DLGAP1: variants seen among roughly 807,000 people sequenced by gnomAD.
DLGAP1 encodes the protein DLG associated protein 1, also known as disks large-associated protein 1.
Under a neutral mutation model 90.8 loss-of-function variants are expected in DLGAP1, and 11 were observed. That is an observed-to-expected ratio of 0.12 (90% CI 0.08 to 0.20). DLGAP1 has a LOEUF of 0.20. Ranked by LOEUF, DLGAP1 falls within the 10% of genes least tolerant of loss-of-function variation. DLGAP1 has a pLI of 1.00. For synonymous variants in DLGAP1, 558 were observed against 540.7 expected, an observed-to-expected ratio of 1.03 and a Z score of -0.44; for missense variants, 1,050 against 1,333.8, an observed-to-expected ratio of 0.79 and a Z score of 3.31.
At chr18:3,881,109 TTTTTC>T (rs2071155289) in intron 3 of DLGAP1, among the ~76,000 whole-genome samples, 5 of 142,674 alleles carry the variant, frequency 3.5e-5, no homozygotes, top group Admixed American at 7.1e-5. Context: ...CTTATTCTTT[TTTTTC>T]TTTTTCTTTT....
intron 6 of DLGAP1, among the ~76,000 whole-genome samples, chr18:3,735,608 A>G (rs892324921): frequency 1.3e-5 from 2 of 152,228 alleles, no homozygotes; most frequent in African/African-American, 4.8e-5. Flanking sequence ...GTGGGAAAAT[A>G]GTAGTAGGAA....
chr18:3,964,532 GGAGATAC>G (rs1178939095), intron 3 of DLGAP1, among the ~76,000 whole-genome samples: 2 of 152,180 alleles, frequency 1.3e-5, no homozygotes, highest in African/African-American at 4.8e-5. Context: ...GCATAAGGCT[GGAGATAC>G]GAGATGGGAA....
chr18:4,359,799 C>A (rs1394888258), intron 1 of DLGAP1, among the ~76,000 whole-genome samples: 24 of 152,058 alleles, frequency 1.6e-4, no homozygotes, highest in Admixed American at 1.6e-3. Context: ...GGAAGCAGGC[C>A]CTGTTCTAGA....
At position 4,369,539 on chromosome 18, in the gene DLGAP1, C is replaced by T. The variant is rs544985310; in HGVS notation, c.-267+85467G>A. 1.4e-4 allele frequency among the ~76,000 whole-genome samples: 22 copies of T among 152,082 alleles called. No homozygotes were observed. In the South Asian group the frequency reaches 4.4e-3, roughly 30 times the overall value. ...TAGGATCTCAATCTAAGGACCTTGT[C>T]TTATTCTTCCTGCACCTAAATTAAA... On this transcript the variant is annotated intron_variant, in intron 1 of 12. Coordinates refer to ENST00000315677, the MANE Select transcript of DLGAP1 (RefSeq NM_004746.4).
chr18:3,965,573 A>G (rs1433413159), intron 3 of DLGAP1, among the ~76,000 whole-genome samples: 1 of 152,056 alleles, frequency 6.6e-6, no homozygotes, highest in Non-Finnish European at 1.5e-5. Context: ...AGTGTTGTAG[A>G]AAGAACAATA....
At position 4,335,249 on chromosome 18, in the gene DLGAP1, G is replaced by A. The variant is rs944424259; in HGVS notation, c.-267+119757C>T. Among the ~76,000 whole-genome samples, 10 of 152,028 alleles carry A rather than the reference G, an allele frequency of 6.6e-5. No individual in the cohort carries two copies. The East Asian group carries it at 9.6e-4, about 15-fold the overall frequency. On this transcript the variant is annotated intron_variant, in intron 1 of 12. Transcript: ENST00000315677. The stretch of plus-strand genomic sequence containing the variant: ...ATGTGGTTGGCATCAAAGCCATCCC[G>A]AAGAATGAGCAGAAACAGTGGACTA...
At chr18:4,430,406 C>T (rs908388091) in intron 1 of DLGAP1, among the ~76,000 whole-genome samples, 6 of 151,776 alleles carry the variant, frequency 4.0e-5, no homozygotes, top group African/African-American at 1.5e-4. Flanking sequence ...GGACATGTTA[C>T]TTAATCTCTC....
intron 1 of DLGAP1, among the ~76,000 whole-genome samples, chr18:4,303,425 C>T (rs952690457): frequency 2.0e-5 from 3 of 152,154 alleles, no homozygotes; most frequent in African/African-American, 7.2e-5. Context: ...GAGAGTGGAA[C>T]CTGGCAAGAA....
chr18:4,380,190 A>T (rs1244927908), intron 1 of DLGAP1, among the ~76,000 whole-genome samples: 2 of 152,164 alleles, frequency 1.3e-5, no homozygotes, highest in African/African-American at 4.8e-5. Context: ...AATATCACAA[A>T]CATACACTTC....
At chr18:3,985,578 A>G (rs2073825738) in intron 3 of DLGAP1, among the ~76,000 whole-genome samples, 1 of 151,620 alleles carries the variant, frequency 6.6e-6, no homozygotes, top group Non-Finnish European at 1.5e-5. Context: ...TTCTCTGTTC[A>G]ATGAAGAGAT....
chr18:4,243,331 G>A lies in DLGAP1; in HGVS notation c.-266-92044C>T, dbSNP rs536454819. Among the ~76,000 whole-genome samples the A allele has an allele frequency of 1.1e-4, 8 of 69,724 alleles. No homozygotes were observed. In the South Asian group the frequency reaches 3.4e-3, roughly 29 times the overall value. 45.7% of individuals were successfully genotyped at this position (69,724 alleles called of 152,430 possible). On this transcript the variant is annotated intron_variant, in intron 1 of 12. Coordinates refer to ENST00000315677, the MANE Select transcript of DLGAP1 (RefSeq NM_004746.4). ...CGAAACAAAACTCATAAGTCTGATT[G>A]CTATAATCTCTAAGGCATTTGGAGG...
intron 9 of DLGAP1, among the ~76,000 whole-genome samples, chr18:3,558,389 C>T (rs1203431230): frequency 6.6e-6 from 1 of 152,084 alleles, no homozygotes; most frequent in African/African-American, 2.4e-5. Context: ...CGTGCTATAA[C>T]ACCCGGCTAT....
At chr18:3,636,321 T>TA (rs1187782921) in intron 7 of DLGAP1, among the ~76,000 whole-genome samples, 1 of 151,656 alleles carries the variant, frequency 6.6e-6, no homozygotes, top group African/African-American at 2.4e-5. Flanking sequence ...CCCCAAGAGA[T>TA]AAGAACCCAT....
At chr18:3,749,148 C>CTTCT (rs2063392137) in intron 5 of DLGAP1, among the ~76,000 whole-genome samples, 1 of 120,696 alleles carries the variant, frequency 8.3e-6, no homozygotes, top group African/African-American at 3.2e-5. Context: ...TCTTCTTCTT[C>CTTCT]TTTTTTTTTT....
At chr18:4,082,510 C>CAAAAAAAAAAAAAAAAAAA (rs59735494) in intron 2 of DLGAP1, among the ~76,000 whole-genome samples, 653 of 52,050 alleles carry the variant, frequency 0.013, 17 homozygotes, top group Middle Eastern at 0.037. Context: ...GACTTTGTCT[C>CAAAAAAAAAAAAAAAAAAA]AAAAAAAAAA....
At chr18:3,913,890 A>C (rs1287086784) in intron 3 of DLGAP1, among the ~76,000 whole-genome samples, 2 of 152,250 alleles carry the variant, frequency 1.3e-5, no homozygotes, top group Non-Finnish European at 2.9e-5. Context: ...CAAAAGAATA[A>C]TACTGAACTA....
rs150474064 is a variant in DLGAP1 at position 4,214,158 on chromosome 18, A to C, written c.-266-62871T>G. ...ATTTGTTTGAAGATAGACATGTCTA[A>C]ACCTTACAAGAAAGAGACAGAAGAG... is the stretch of plus-strand genomic sequence containing the variant. On this transcript the variant is annotated intron_variant, in intron 1 of 12. Transcript: ENST00000315677. 9.7e-4 allele frequency among the ~76,000 whole-genome samples: 147 copies of C among 152,300 alleles called. 3 individuals carry two copies. In the South Asian group the frequency reaches 0.015, roughly 16 times the overall value.
At chr18:4,158,366 A>G (rs1425140376) in intron 1 of DLGAP1, among the ~76,000 whole-genome samples, 1 of 152,180 alleles carries the variant, frequency 6.6e-6, no homozygotes, top group Admixed American at 6.5e-5. Flanking sequence ...GGACAGTTTT[A>G]TACATTATCA....
chr18:3,792,861 C>T (rs1369198203), intron 5 of DLGAP1, among the ~76,000 whole-genome samples: 1 of 152,198 alleles, frequency 6.6e-6, no homozygotes, highest in Admixed American at 6.5e-5. Context: ...CTGGACAGAG[C>T]AGCCTCAGGA....
Sources: allele counts gnomAD v4.1 joint callset (sites outside exome capture counted in the v4.1 genomes callset), GRCh38; gene constraint gnomAD v4.1.1; transcripts MANE v1.5; gene names NCBI Gene and HGNC (gene_info 2026-07-23, HGNC 2026-07-21).